Variants in CD63 observed in about 807,000 individuals in gnomAD.
CD63 encodes the protein CD63 antigen.
In CD63, 16 loss-of-function variants were observed where a neutral mutation model predicts 29.2. That is an observed-to-expected ratio of 0.55 (90% CI 0.37 to 0.83). The LOEUF (loss-of-function observed/expected upper bound fraction) is 0.83. Ranked by LOEUF, CD63 falls within the 40% of genes least tolerant of loss-of-function variation. The pLI is 0.00. For missense variants in CD63, 251 were observed against 297.3 expected (o/e 0.84, Z 1.15); for synonymous variants, 118 against 111.7 (o/e 1.06, Z -0.36).
chr12:55,728,707 C>T lies in CD63; in HGVS notation c.-12+246G>A, dbSNP rs974621099. ...CTGGAGAAACGGTCTTCAGCCCAAC[C>T]CCGACCCCCGCCCCAGCCCCTTTCC... On this transcript the variant is annotated intron_variant, in intron 1 of 7. Transcript: ENST00000257857. The surrounding 1 kb of genome is among the most constrained non-coding windows in gnomAD (Gnocchi z 4.8). 3 of 1,091,582 alleles carry T rather than the reference C, an allele frequency of 2.7e-6. No individual in the cohort carries two copies. In the South Asian group the frequency reaches 8.2e-5, roughly 30 times the overall value. 67.6% of individuals were successfully genotyped at this position (1,091,582 alleles called of 1,614,324 possible).
At position 55,728,605 on chromosome 12, in the gene CD63, G is replaced by C; in HGVS notation, c.-11-253C>G. The C allele has an allele frequency of 7.4e-7, 1 of 1,359,236 alleles. No individual in the cohort carries two copies. Among genetic ancestry groups the C allele is most frequent in the South Asian group, 1.6e-5 (1 of 61,030 alleles). The allele number at this position is 1,359,236 out of a possible 1,614,324, so 84.2% of individuals were successfully genotyped here. ...CAGGACAGATCCAAGGGCGCCGGCA[G>C]GGGCTTGAGCCTGACGCCGACCCTC... On this transcript the variant is annotated intron_variant, in intron 1 of 7. Transcript: ENST00000257857. This position sits in a 1 kb window ranked among gnomAD's most constrained non-coding sequence, Gnocchi z 4.8.
downstream of CD63, chr12:55,725,280 G>A: frequency 2.0e-6 from 1 of 501,066 alleles, no homozygotes; most frequent in Middle Eastern, 5.4e-4. Flanking sequence ...GGGGCAGAAA[G>A]CACCACAGTC....
At chr12:55,724,027 T>TG (rs753378940), downstream of CD63, 57 of 1,611,492 alleles carry the variant, frequency 3.5e-5, no homozygotes, top group East Asian at 6.7e-5. Context: ...AGGCCCACTA[T>TG]GGGGGGGCCT....
chr12:55,725,607 G>A lies in CD63; in HGVS notation c.671C>T (p.Ala224Val), dbSNP rs1396682206. 2 of 1,613,916 alleles carry A rather than the reference G, an allele frequency of 1.2e-6. No homozygotes were observed. The highest frequency in any genetic ancestry group is 2.7e-5 in the African/African-American group (2 of 74,862). ...AFVEVLGIVFACCLVKSIRSG... is the reference protein window; with the variant it reads ...AFVEVLGIVFVCCLVKSIRSG... ...TCTGATACTCTTCACGAGGCAGCAG[G>A]CAAAGACAATTCCCAAAACCTAGAA... The change falls in exon 8 of 8, where the codon GCC becomes GTC. Residue 224 changes from alanine (A) to valine (V), a missense_variant. Transcript: ENST00000257857.
chr12:55,728,794 A>C lies in CD63; in HGVS notation c.-12+159T>G. On this transcript the variant is annotated intron_variant, in intron 1 of 7. Coordinates refer to ENST00000257857, the MANE Select transcript of CD63 (RefSeq NM_001780.6). The surrounding 1 kb of genome is among the most constrained non-coding windows in gnomAD (Gnocchi z 4.8). ...AAAGTGCAGCCAGCACCCCCGCCAC[A>C]CCCTGCCCGGGCCCAGGGAACTTCG... 1.0e-6 allele frequency: 1 copy of C among 969,484 alleles called. No individual in the cohort carries two copies. Among genetic ancestry groups the C allele is most frequent in the Non-Finnish European group, 1.2e-6 (1 of 828,046 alleles). The allele number at this position is 969,484 out of a possible 1,614,324, so 60.1% of individuals were successfully genotyped here. A position where few individuals can be genotyped will look rare whatever the true frequency, so the allele number is the denominator to read the frequency against.
At chr12:55,724,044 C>G (rs1346142612), downstream of CD63, 1 of 1,609,644 alleles carries the variant, frequency 6.2e-7, no homozygotes, top group Non-Finnish European at 8.5e-7. Context: ...GCCTTCCTCA[C>G]CAAGTGTGAG....
chr12:55,725,771 C>A (rs1396876202), intron 7 of CD63, 42 bp downstream of exon 7: 1 of 1,589,908 alleles, frequency 6.3e-7, no homozygotes, highest in South Asian at 1.1e-5. Flanking sequence ...CCTCCAGGCA[C>A]CCTGGACAGA....
Position 55,726,262 on chromosome 12 carries a change from C to T in CD63, c.427-1G>A, listed in dbSNP as rs868149511. The T allele has an allele frequency of 6.2e-7, 1 of 1,605,002 alleles. No homozygotes were observed. Among genetic ancestry groups the T allele is most frequent in the Non-Finnish European group, 8.5e-7 (1 of 1,174,950 alleles). On this transcript the variant is annotated splice_acceptor_variant, in intron 5 of 7. Coordinates refer to ENST00000257857, the MANE Select transcript of CD63 (RefSeq NM_001780.6). LOFTEE classifies it high-confidence loss of function. Reference sequence around the variant, plus strand: ...AGTTAGCAGCCCCACAGCACTTAAACTGGGGGAGGGAAGAAATATGGAGAA... The same window carrying T: ...AGTTAGCAGCCCCACAGCACTTAAATTGGGGGAGGGAAGAAATATGGAGAA...
chr12:55,727,937 G>C, intron 2 of CD63: 3 of 1,189,096 alleles, frequency 2.5e-6, no homozygotes, highest in Non-Finnish European at 3.2e-6. Context: ...GGAGAGAGGG[G>C]AGAAGGGAGA....
At chr12:55,727,741 G>C (rs1877574193) in intron 2 of CD63, 1 of 1,034,214 alleles carries the variant, frequency 9.7e-7, no homozygotes, top group South Asian at 3.8e-5. Context: ...TGGCCAGTTA[G>C]GCCAGGAGAA....
chr12:55,726,334 CT>C (rs777731653), intron 5 of CD63, 73 bp from the exon 6 acceptor site: 36,059 of 278,614 alleles, frequency 0.13, 4 homozygotes, highest in South Asian at 0.17. Context: ...GATGAGAATT[CT>C]TTTTTTTTTT....
At chr12:55,724,380 G>A (rs746999951), downstream of CD63, 44 of 1,614,204 alleles carry the variant, frequency 2.7e-5, no homozygotes, top group Non-Finnish European at 3.4e-5. Flanking sequence ...TAACCAAGGT[G>A]AGCCGATGCC....
chr12:55,726,057 G>T, intron 6 of CD63, 64 bp downstream of exon 6: 1 of 1,580,102 alleles, frequency 6.3e-7, no homozygotes. Flanking sequence ...CCTCCATCCT[G>T]GGTCTCTTGC....
chr12:55,724,483 G>C, downstream of CD63: 2 of 1,613,790 alleles, frequency 1.2e-6, no homozygotes, highest in Non-Finnish European at 1.7e-6. Context: ...CTACCTGCCA[G>C]CCAGCCTGGT....
At chr12:55,723,768 TC>T, downstream of CD63, 1 of 1,176,538 alleles carries the variant, frequency 8.5e-7, no homozygotes, top group African/African-American at 1.5e-5. Context: ...AGTAGGCATC[TC>T]CGTCAAAACT....
chr12:55,727,047 C>A, intron 3 of CD63, 83 bp from the exon 4 acceptor site: 1 of 1,568,658 alleles, frequency 6.4e-7, no homozygotes, highest in Admixed American at 1.7e-5. Context: ...CCTGGACACT[C>A]ACAAAGGTCT....
chr12:55,724,097 A>G, downstream of CD63: 1 of 1,588,572 alleles, frequency 6.3e-7, no homozygotes, highest in African/African-American at 1.3e-5. Context: ...AACAAGTACC[A>G]GAAAGGCCAG....
chr12:55,728,741 C>T lies in CD63; in HGVS notation c.-12+212G>A. 1 of 976,198 alleles carries T rather than the reference C, an allele frequency of 1.0e-6. No individual in the cohort carries two copies. Among genetic ancestry groups the T allele is most frequent in the Non-Finnish European group, 1.2e-6 (1 of 818,970 alleles). The allele number at this position is 976,198 out of a possible 1,614,324, so 60.5% of individuals were successfully genotyped here. A position where few individuals can be genotyped will look rare whatever the true frequency, so the allele number is the denominator to read the frequency against. On this transcript the variant is annotated intron_variant, in intron 1 of 7. Transcript: ENST00000257857. The surrounding 1 kb of genome is among the most constrained non-coding windows in gnomAD (Gnocchi z 4.8). ...CGCCCCAGCCCCTTTCCCCTGGGCTCTGACCTCCCCGCCCACCAAAAAAAA... is the reference window on the plus strand; with the variant it reads ...CGCCCCAGCCCCTTTCCCCTGGGCTTTGACCTCCCCGCCCACCAAAAAAAA...
Position 55,728,420 on chromosome 12 carries a change from G to A in CD63, c.-11-68C>T. The A allele has an allele frequency of 6.5e-7, 1 of 1,548,948 alleles. No individual in the cohort carries two copies. Among genetic ancestry groups the A allele is most frequent in the African/African-American group, 1.4e-5 (1 of 73,648 alleles). Reference sequence around the variant, plus strand: ...GGGGACCTCGGTTTCCGGGCTCCCGGCCGGCCCTCGAGGGCTTCCCTTCAC... The same window carrying A: ...GGGGACCTCGGTTTCCGGGCTCCCGACCGGCCCTCGAGGGCTTCCCTTCAC... On this transcript the variant is annotated intron_variant, in intron 1 of 7. Coordinates refer to ENST00000257857, the MANE Select transcript of CD63 (RefSeq NM_001780.6). This position sits in a 1 kb window ranked among gnomAD's most constrained non-coding sequence, Gnocchi z 4.8.
Sources: gnomAD v4.1 joint callset for allele counts on GRCh38, gnomAD v4.1.1 for gene constraint, Gnocchi (gnomAD v3.1) non-coding constraint, MANE v1.5 for transcripts, NCBI Gene and HGNC (gene_info 2026-07-23, HGNC 2026-07-21) for gene names.